RBMS3: variants seen among roughly 807,000 people sequenced by gnomAD.
RBMS3 encodes the protein RNA-binding motif, single-stranded-interacting protein 3.
In RBMS3, 27 loss-of-function variants were observed where a neutral mutation model predicts 66.8. That is an observed-to-expected ratio of 0.40 (90% confidence interval 0.30 to 0.56). RBMS3 has a LOEUF of 0.56. Ranked by LOEUF, RBMS3 falls within the 20% of genes least tolerant of loss-of-function variation. RBMS3 has a pLI of 0.40. For synonymous variants in RBMS3, 188 were observed against 183.0 expected (o/e 1.03, Z -0.22); for missense variants, 513 against 549.5 (o/e 0.93, Z 0.66).
chr3:29,869,605 C>T (rs984322020), intron 7 of RBMS3, among the ~76,000 whole-genome samples: 3 of 152,050 alleles, frequency 2.0e-5, no homozygotes, highest in Non-Finnish European at 4.4e-5. Context: ...CATTTACCCT[C>T]AATACAAACT....
chr3:29,383,946 C>T (rs2038886724), intron 1 of RBMS3, among the ~76,000 whole-genome samples: 1 of 152,186 alleles, frequency 6.6e-6, no homozygotes, highest in African/African-American at 2.4e-5. Flanking sequence ...TATATGTTAA[C>T]TATACGATAA....
intron 6 of RBMS3, among the ~76,000 whole-genome samples, chr3:29,857,561 T>TAA (rs35553639): frequency 2.6e-4 from 36 of 139,512 alleles, no homozygotes; most frequent in South Asian, 6.9e-4. Flanking sequence ...CTTTTTTTGT[T>TAA]AAAAAAAAAA....
chr3:29,728,165 A>G (rs549006432), intron 4 of RBMS3, among the ~76,000 whole-genome samples: 3 of 149,860 alleles, frequency 2.0e-5, no homozygotes, highest in Admixed American at 1.3e-4. Context: ...ATGAGAAAAC[A>G]TGGACACGGG....
chr3:29,733,668 G>T (rs555700321), intron 4 of RBMS3, among the ~76,000 whole-genome samples: 1 of 152,016 alleles, frequency 6.6e-6, no homozygotes, highest in African/African-American at 2.4e-5. Flanking sequence ...TGAATAGTTG[G>T]CAGATGAATA....
At chr3:29,411,544 C>T (rs1457697252) in intron 1 of RBMS3, among the ~76,000 whole-genome samples, 1 of 152,096 alleles carries the variant, frequency 6.6e-6, no homozygotes, top group Non-Finnish European at 1.5e-5. Context: ...ACAGGACTTC[C>T]AAACTAGTTA....
At position 29,584,303 on chromosome 3, in the gene RBMS3, G is replaced by A. The variant is rs536666784; in HGVS notation, c.308-2811G>A. 5.9e-5 allele frequency among the ~76,000 whole-genome samples: 9 copies of A among 152,008 alleles called. No individual in the cohort carries two copies. The South Asian group carries it at 1.9e-3, about 32-fold the overall frequency. On this transcript the variant is annotated intron_variant, in intron 3 of 14. Transcript: ENST00000383767. ...CCTCTCTGACTCTCCAGCTTTCTTT[G>A]CAGTCTTTTCTTCTTATGTAATGCC... is the stretch of plus-strand genomic sequence containing the variant.
chr3:29,999,708 T>G (rs1275151712), intron 14 of RBMS3, among the ~76,000 whole-genome samples: 2 of 149,316 alleles, frequency 1.3e-5, no homozygotes, highest in African/African-American at 2.5e-5. Flanking sequence ...AATTGAACAA[T>G]GAGAACACAT....
chr3:29,559,241 T>G (rs1381954989), intron 3 of RBMS3, among the ~76,000 whole-genome samples: 1 of 151,942 alleles, frequency 6.6e-6, no homozygotes, highest in African/African-American at 2.4e-5. Context: ...AAAAAAAATC[T>G]CCAGAAGACC....
At chr3:29,630,658 A>G (rs951280339) in intron 4 of RBMS3, among the ~76,000 whole-genome samples, 4 of 152,020 alleles carry the variant, frequency 2.6e-5, no homozygotes, top group Non-Finnish European at 5.9e-5. Context: ...ATGGTTAGAA[A>G]TATAATGTTT....
At chr3:29,777,247 G>T (rs1404813425) in intron 6 of RBMS3, among the ~76,000 whole-genome samples, 4 of 151,714 alleles carry the variant, frequency 2.6e-5, no homozygotes, top group Non-Finnish European at 5.9e-5. Context: ...GTGTCTATTT[G>T]TGACATGTAG....
At chr3:29,679,279 T>C (rs1184462033) in intron 4 of RBMS3, among the ~76,000 whole-genome samples, 2 of 152,176 alleles carry the variant, frequency 1.3e-5, no homozygotes, top group African/African-American at 4.8e-5. Context: ...CGACTCAACA[T>C]ATACCCATGT....
At chr3:29,805,908 C>T (rs529669071) in intron 6 of RBMS3, among the ~76,000 whole-genome samples, 1 of 152,080 alleles carries the variant, frequency 6.6e-6, no homozygotes, top group Non-Finnish European at 1.5e-5. Flanking sequence ...CATTCACTCA[C>T]CACGCACTCA....
At chr3:29,436,338 T>C (rs1399405507) in intron 2 of RBMS3, among the ~76,000 whole-genome samples, 1 of 152,152 alleles carries the variant, frequency 6.6e-6, no homozygotes, top group East Asian at 1.9e-4. Context: ...AAACAGTAGG[T>C]ACATTAGGGT....
intron 2 of RBMS3, among the ~76,000 whole-genome samples, chr3:29,470,162 C>T (rs2042674117): frequency 6.6e-6 from 1 of 151,280 alleles, no homozygotes; most frequent in South Asian, 2.1e-4. Context: ...TAAAGATATC[C>T]ATGACTAACC....
rs764411051 is a variant in RBMS3 at position 30,009,326 on chromosome 3, T to C, written c.*5464T>C. The C allele has an allele frequency of 6.6e-6, 1 of 152,148 alleles. No homozygotes were observed. Among genetic ancestry groups the C allele is most frequent in the Non-Finnish European group, 1.5e-5 (1 of 68,004 alleles). 9.4% of individuals were successfully genotyped at this position (152,148 alleles called of 1,614,324 possible). A position where few individuals can be genotyped will look rare whatever the true frequency, so the allele number is the denominator to read the frequency against. ...TGTCACCTGAGGGTGGAACAAACAA[T>C]TGGAAATAAAATTTGATTATTTTAT... On this transcript the variant is annotated 3_prime_UTR_variant, in exon 15 of 15. Coordinates refer to ENST00000383767, the MANE Select transcript of RBMS3 (RefSeq NM_001003793.3).
intron 4 of RBMS3, among the ~76,000 whole-genome samples, chr3:29,611,528 C>G (rs2048492001): frequency 6.6e-6 from 1 of 151,470 alleles, no homozygotes; most frequent in Admixed American, 6.6e-5. Flanking sequence ...TAATTGCATA[C>G]TGTACAAAGC....
chr3:29,994,871 C>T (rs1699114235), intron 14 of RBMS3, among the ~76,000 whole-genome samples: 1 of 152,224 alleles, frequency 6.6e-6, no homozygotes, highest in African/African-American at 2.4e-5. Flanking sequence ...AGTGCCTCTC[C>T]TCCTCCAAAG....
chr3:29,744,000 G>GT (rs1231582464), intron 5 of RBMS3, among the ~76,000 whole-genome samples: 1 of 148,432 alleles, frequency 6.7e-6, no homozygotes, highest in African/African-American at 2.5e-5. Context: ...GCGGTGTTTG[G>GT]TTTTTTGTCC....
intron 1 of RBMS3, among the ~76,000 whole-genome samples, chr3:29,365,743 A>T (rs979002803): frequency 3.5e-4 from 53 of 152,242 alleles, no homozygotes; most frequent in African/African-American, 1.3e-3. Flanking sequence ...GGTACATGCA[A>T]ATGTCTACTG....
Sources: gnomAD v4.1 joint callset for allele counts (sites outside exome capture counted in the v4.1 genomes callset) on GRCh38, gnomAD v4.1.1 for gene constraint, MANE v1.5 for transcripts, NCBI Gene and HGNC (gene_info 2026-07-23, HGNC 2026-07-21) for gene names.